Variants in LAMP2 observed in about 807,000 individuals in gnomAD.
The protein encoded by LAMP2 is lysosome-associated membrane glycoprotein 2.
Under a neutral mutation model 25.6 loss-of-function variants are expected in LAMP2, and 4 were observed. That is an observed-to-expected ratio of 0.16 (90% CI 0.08 to 0.36). LAMP2 has a LOEUF of 0.36. LAMP2 is among the 10% of genes least tolerant of loss of function. LAMP2 has a pLI of 1.00. For synonymous variants in LAMP2, 108 were observed against 112.7 expected, an observed-to-expected ratio of 0.96 and a Z score of 0.27; for missense variants, 272 against 301.4, an observed-to-expected ratio of 0.90 and a Z score of 0.72.
In LAMP2 at chrX:120,431,381, A is replaced by C; in HGVS notation, c.1175T>G (p.Val392Gly). The C allele has an allele frequency of 8.3e-7, 1 of 1,211,019 alleles. No individual in the cohort carries two copies. ...GAALAGVLIL[V>G]LLAYFIGLKH... Reference sequence around the variant, plus strand: ...GAGACCAATAAAATAAGCCAGCAACACTAGAATAAGTACTCCTGCCAAGGC... The same window carrying C: ...GAGACCAATAAAATAAGCCAGCAACCCTAGAATAAGTACTCCTGCCAAGGC... Residue 392 changes from valine (V) to glycine (G), a missense_variant, in exon 9 of 9, where the codon GTG (valine) becomes GGG (glycine). Physicochemically the swap from Val to Gly is moderately radical, Grantham distance 109. Coordinates refer to ENST00000200639, the MANE Select transcript of LAMP2 (RefSeq NM_002294.3).
rs374571736 is a variant in LAMP2 at position 120,462,027 on chromosome X, T to G, written c.65-5258A>C. ...AGCAATTTCCATCCTTATTGCTGTG[T>G]TTGATTTTACAATACCCAATTTTTA... On this transcript the variant is annotated intron_variant, in intron 1 of 8. Transcript: ENST00000200639. Among the ~76,000 whole-genome samples the G allele has an allele frequency of 4.5e-5, 5 of 112,102 alleles. No individual in the cohort carries two copies. The East Asian group carries it at 8.4e-4, about 19-fold the overall frequency.
At chrX:120,466,423 C>A (rs1332395503) in intron 1 of LAMP2, among the ~76,000 whole-genome samples, 1 of 111,980 alleles carries the variant, frequency 8.9e-6, no homozygotes, top group Admixed American at 9.5e-5. Flanking sequence ...GTTCTAGTCA[C>A]TGATAAGGTA....
At position 120,429,240 on chromosome X, in the gene LAMP2, G is replaced by A. The variant is rs921122080; in HGVS notation, c.*2083C>T. ...GAAGAATAACAGCAGTATCTAATGC[G>A]TTGCAGTCCATTCCACCGAACCACC... is the stretch of plus-strand genomic sequence containing the variant. On this transcript the variant is annotated 3_prime_UTR_variant, in exon 9 of 9. Transcript: ENST00000200639. 3 of 745,167 alleles carry A rather than the reference G, an allele frequency of 4.0e-6. No individual in the cohort carries two copies. The African/African-American group carries it at 7.8e-5, about 19-fold the overall frequency. The allele number at this position is 745,167 out of a possible 1,213,427, so 61.4% of individuals were successfully genotyped here.
At chrX:120,438,632 T>G (rs190220547) in intron 8 of LAMP2, 2 of 753,785 alleles carry the variant, frequency 2.7e-6, no homozygotes, top group East Asian at 1.5e-4. Flanking sequence ...TACTATTATA[T>G]CTCTCAAAGG....
intron 3 of LAMP2, 104 bp from the exon 4 acceptor site, chrX:120,449,232 C>G: frequency 1.6e-6 from 1 of 633,218 alleles, no homozygotes; most frequent in Non-Finnish European, 2.5e-6. Flanking sequence ...CTGCCCTACC[C>G]CAGGCACAAA....
Position 120,428,600 on chromosome X carries a change from G to C in LAMP2, c.*2723C>G. 1 of 1,193,368 alleles carries C rather than the reference G, an allele frequency of 8.4e-7. No homozygotes were observed. Among genetic ancestry groups the C allele is most frequent in the Non-Finnish European group, 1.1e-6 (1 of 887,246 alleles). On this transcript the variant is annotated 3_prime_UTR_variant, in exon 9 of 9. Coordinates refer to ENST00000200639, the MANE Select transcript of LAMP2 (RefSeq NM_002294.3). ...ACTGCAACAGGAATAAGAAAGTTGAGGTCAGAGTCAGCAGAACATTCTTCA... is the reference window on the plus strand; with the variant it reads ...ACTGCAACAGGAATAAGAAAGTTGACGTCAGAGTCAGCAGAACATTCTTCA...
rs1359439180 is a variant in LAMP2 at position 120,429,075 on chromosome X, CATAT to C, written c.*2244_*2247del. On this transcript the variant is annotated 3_prime_UTR_variant, in exon 9 of 9. Transcript: ENST00000200639. ...GGATCAAGAATGTAGTATATATATA[CATAT>C]ATATGTGTGTGTATATATATGTGTA... is the stretch of plus-strand genomic sequence containing the variant. 2.0e-6 allele frequency: 1 copy of C among 495,256 alleles called. No homozygotes were observed. Among genetic ancestry groups the C allele is most frequent in the African/African-American group, 2.8e-5 (1 of 35,353 alleles). 40.8% of individuals were successfully genotyped at this position (495,256 alleles called of 1,213,427 possible).
At chrX:120,441,331 C>T (rs912554139) in intron 8 of LAMP2, among the ~76,000 whole-genome samples, 9 of 112,017 alleles carry the variant, frequency 8.0e-5, no homozygotes, top group African/African-American at 2.9e-4. Flanking sequence ...TTTGCTACCG[C>T]TCTTTATCTT....
At chrX:120,457,983 GC>G (rs1921167939) in intron 1 of LAMP2, among the ~76,000 whole-genome samples, 1 of 112,227 alleles carries the variant, frequency 8.9e-6, no homozygotes, top group African/African-American at 3.2e-5. Flanking sequence ...TGCTTTGCAA[GC>G]CAGAATATTA....
At chrX:120,463,932 T>C (rs1182458992) in intron 1 of LAMP2, among the ~76,000 whole-genome samples, 1 of 106,149 alleles carries the variant, frequency 9.4e-6, no homozygotes, top group East Asian at 3.0e-4. Context: ...TTTTGTTTTT[T>C]TTTAGGGTTC....
chrX:120,431,290 T>A lies in LAMP2; in HGVS notation c.*33A>T, dbSNP rs745798436. ...AGGTAAGAAAATCTTGTTATTTGCA[T>A]GTATTTTTATATAATCAATCAGGTT... On this transcript the variant is annotated 3_prime_UTR_variant, in exon 9 of 9. Transcript: ENST00000200639. The A allele has an allele frequency of 1.7e-6, 2 of 1,207,615 alleles. No homozygotes were observed. Among genetic ancestry groups the A allele is most frequent in the Non-Finnish European group, 2.2e-6 (2 of 892,902 alleles).
intron 3 of LAMP2, among the ~76,000 whole-genome samples, chrX:120,450,009 T>C (rs2058614529): frequency 8.9e-6 from 1 of 111,938 alleles, no homozygotes; most frequent in Non-Finnish European, 1.9e-5. Context: ...TTAGTGACTA[T>C]AACTAAAGAA....
At chrX:120,432,382 G>A (rs1303924910) in intron 8 of LAMP2, among the ~76,000 whole-genome samples, 2 of 111,202 alleles carry the variant, frequency 1.8e-5, no homozygotes, top group African/African-American at 6.5e-5. Flanking sequence ...TATGCTCTTA[G>A]GTAGTCTGGC....
chrX:120,469,071 G>C, intron 1 of LAMP2, 35 bp downstream of exon 1: 2 of 1,191,136 alleles, frequency 1.7e-6, no homozygotes, highest in Non-Finnish European at 2.3e-6. Flanking sequence ...CCGGGCCCAG[G>C]CGGACAGACT....
chrX:120,448,472 A>T (rs750668189), intron 4 of LAMP2, among the ~76,000 whole-genome samples: 119 of 113,084 alleles, frequency 1.1e-3, no homozygotes, highest in African/African-American at 3.7e-3. Context: ...ATACAAATGA[A>T]CCATTTATTT....
intron 1 of LAMP2, among the ~76,000 whole-genome samples, chrX:120,457,061 A>C (rs913032648): frequency 2.7e-5 from 3 of 111,388 alleles, no homozygotes; most frequent in Admixed American, 9.6e-5. Flanking sequence ...TAGGATGCTT[A>C]GGTCATGGCT....
chrX:120,448,090 G>T, intron 4 of LAMP2, 65 bp from the exon 5 acceptor site: 1 of 1,026,299 alleles, frequency 9.7e-7, no homozygotes, highest in Non-Finnish European at 1.4e-6. Context: ...TAAGGCCAGG[G>T]AAAACCAAAA....
intron 8 of LAMP2, among the ~76,000 whole-genome samples, chrX:120,431,962 T>C (rs1461826105): frequency 1.8e-5 from 2 of 111,803 alleles, no homozygotes; most frequent in East Asian, 5.6e-4. Flanking sequence ...AAGTGGGCCC[T>C]GATGACATAA....
At chrX:120,459,505 C>G (rs1391711730) in intron 1 of LAMP2, among the ~76,000 whole-genome samples, 2 of 112,351 alleles carry the variant, frequency 1.8e-5, no homozygotes, top group African/African-American at 6.5e-5. Flanking sequence ...TCCCAGGCAA[C>G]AAGGCCAGCA....
Sources: allele counts gnomAD v4.1 joint callset (sites outside exome capture counted in the v4.1 genomes callset), GRCh38; gene constraint gnomAD v4.1.1; transcripts MANE v1.5; gene names NCBI Gene and HGNC (gene_info 2026-07-23, HGNC 2026-07-21).